ITGA8: variants seen among roughly 807,000 people sequenced by gnomAD.
ITGA8 encodes the protein integrin alpha-8.
Under a neutral mutation model 142.3 loss-of-function variants are expected in ITGA8, and 91 were observed. The observed-to-expected ratio is 0.64, with a 90% CI of 0.54 to 0.76. The LOEUF (loss-of-function observed/expected upper bound fraction) is 0.76. Ranked by LOEUF, ITGA8 falls within the 30% of genes least tolerant of loss-of-function variation. ITGA8 has a pLI of 0.00. For missense variants in ITGA8, 1,406 were observed against 1,327.7 expected (o/e 1.06, Z -0.92); for synonymous variants, 505 against 485.2 (o/e 1.04, Z -0.54).
intron 13 of ITGA8, among the ~76,000 whole-genome samples, chr10:15,620,842 T>A (rs1328625632): frequency 1.3e-5 from 2 of 152,252 alleles, no homozygotes; most frequent in Non-Finnish European, 2.9e-5. Context: ...CTGTTCTATT[T>A]ATATACACAT....
intron 13 of ITGA8, among the ~76,000 whole-genome samples, chr10:15,638,534 T>A (rs1833812441): frequency 6.6e-6 from 1 of 152,192 alleles, no homozygotes; most frequent in South Asian, 2.1e-4. Context: ...AAGCATTTTG[T>A]CACCTGAAAT....
chr10:15,671,489 A>G, intron 8 of ITGA8, 114 bp downstream of exon 8: 2 of 829,320 alleles, frequency 2.4e-6, no homozygotes, highest in Non-Finnish European at 4.1e-6. Context: ...CTGGGACTCC[A>G]TTAATATCCC....
At chr10:15,572,836 G>A (rs1274164373) in intron 24 of ITGA8, among the ~76,000 whole-genome samples, 3 of 152,148 alleles carry the variant, frequency 2.0e-5, no homozygotes, top group Non-Finnish European at 2.9e-5. Context: ...TCCATCAAGT[G>A]CCAAGGCGGG....
chr10:15,710,647 G>T (rs1478004270), intron 2 of ITGA8, among the ~76,000 whole-genome samples: 1 of 152,206 alleles, frequency 6.6e-6, no homozygotes, highest in Admixed American at 6.5e-5. Flanking sequence ...GCTGTACTGT[G>T]CTGTGTGGCA....
At chr10:15,629,006 C>T (rs1833637414) in intron 13 of ITGA8, among the ~76,000 whole-genome samples, 1 of 151,902 alleles carries the variant, frequency 6.6e-6, no homozygotes, top group African/African-American at 2.4e-5. Flanking sequence ...GCTGCAAGTG[C>T]GGCCCAGGCT....
At chr10:15,635,930 C>G (rs1319535069) in intron 13 of ITGA8, among the ~76,000 whole-genome samples, 2 of 151,534 alleles carry the variant, frequency 1.3e-5, no homozygotes, top group Non-Finnish European at 2.9e-5. Context: ...CACACACACA[C>G]ACACACACAC....
chr10:15,686,807 A>G (rs1027117867), intron 3 of ITGA8, among the ~76,000 whole-genome samples: 3 of 152,308 alleles, frequency 2.0e-5, no homozygotes, highest in African/African-American at 7.2e-5. Flanking sequence ...ATCATTTTTT[A>G]TTATGAACAC....
At chr10:15,620,146 C>T (rs191216576) in intron 13 of ITGA8, among the ~76,000 whole-genome samples, 2 of 152,262 alleles carry the variant, frequency 1.3e-5, no homozygotes, top group Admixed American at 1.3e-4. Context: ...AGATGCAGAA[C>T]AGAGACTTCA....
intron 19 of ITGA8, among the ~76,000 whole-genome samples, chr10:15,605,001 G>A (rs942352733): frequency 5.3e-5 from 8 of 152,118 alleles, no homozygotes; most frequent in African/African-American, 1.7e-4. Flanking sequence ...TAAAGCGATT[G>A]CATTTGAAGT....
intron 9 of ITGA8, 34 bp downstream of exon 9, chr10:15,660,845 T>G: frequency 6.4e-7 from 1 of 1,563,648 alleles, no homozygotes; most frequent in Non-Finnish European, 8.8e-7. Context: ...TACAAGAAAA[T>G]ACCCTATTCC....
intron 12 of ITGA8, among the ~76,000 whole-genome samples, chr10:15,645,092 CAAAAAAA>C (rs1168510743): frequency 2.1e-4 from 10 of 46,800 alleles, no homozygotes; most frequent in Admixed American, 9.3e-4. Context: ...GACTCTGTCT[CAAAAAAA>C]AAAAAAAAAA....
intron 22 of ITGA8, among the ~76,000 whole-genome samples, chr10:15,590,668 C>CA (rs1185955646): frequency 6.6e-6 from 1 of 152,002 alleles, no homozygotes; most frequent in Non-Finnish European, 1.5e-5. Context: ...TTAGAAATAT[C>CA]AACAGAAGAT....
chr10:15,613,935 G>C (rs758521783), intron 14 of ITGA8, among the ~76,000 whole-genome samples, 168 bp from the exon 15 acceptor site: 6 of 152,128 alleles, frequency 3.9e-5, no homozygotes, highest in Non-Finnish European at 8.8e-5. Flanking sequence ...ATGAACAGCT[G>C]GGTATCACAC....
In ITGA8 at chr10:15,660,914, C is replaced by T. The variant is rs1834273497; in HGVS notation, c.856G>A (p.Ala286Thr). The T allele has an allele frequency of 6.2e-7, 1 of 1,613,624 alleles. No homozygotes were observed. Among genetic ancestry groups the T allele is most frequent in the Non-Finnish European group, 8.5e-7 (1 of 1,179,680 alleles). ...TTCTGTGCTCCTCTTGGAATTCCAG[C>T]AACCAATTCTGGGGATGAAAATAGC... ...FTGDSQQELV[A>T]GIPRGAQNFG... The change falls in exon 9 of 30, where the codon GCT (alanine) becomes ACT (threonine). Residue 286 changes from alanine (A) to threonine (T), a missense_variant. Physicochemically the swap from Ala to Thr is moderately conservative, Grantham distance 58. Coordinates refer to ENST00000378076, the MANE Select transcript of ITGA8 (RefSeq NM_003638.3).
intron 4 of ITGA8, among the ~76,000 whole-genome samples, chr10:15,682,249 G>A (rs1387476693): frequency 6.6e-6 from 1 of 152,116 alleles, no homozygotes. Flanking sequence ...TTACTGTCTA[G>A]AGGCAGTTCC....
intron 4 of ITGA8, among the ~76,000 whole-genome samples, chr10:15,681,850 T>C (rs1834743813): frequency 6.6e-6 from 1 of 152,146 alleles, no homozygotes; most frequent in Non-Finnish European, 1.5e-5. Context: ...TATGGACAGG[T>C]GTAAATATTG....
At chr10:15,614,006 G>A (rs1373690047) in intron 14 of ITGA8, among the ~76,000 whole-genome samples, 1 of 152,278 alleles carries the variant, frequency 6.6e-6, no homozygotes, top group East Asian at 1.9e-4. Flanking sequence ...AGTGCTGTGG[G>A]TCTGTCAAGC....
intron 27 of ITGA8, among the ~76,000 whole-genome samples, chr10:15,533,166 T>C (rs936493561): frequency 1.3e-5 from 2 of 152,142 alleles, no homozygotes; most frequent in Non-Finnish European, 2.9e-5. Flanking sequence ...CTTTTTCCCC[T>C]GTGGCAGAAT....
rs1447837523 is a variant in ITGA8 at position 15,515,931 on chromosome 10, G to T, written c.*1227C>A. The stretch of plus-strand genomic sequence containing the variant: ...ATTAGCAGTAAAAATAAGTAATAAA[G>T]TTGGAATAAGCAATTTTAAATAAAA... On this transcript the variant is annotated 3_prime_UTR_variant, in exon 30 of 30. Transcript: ENST00000378076. 1.3e-5 allele frequency: 2 copies of T among 152,092 alleles called. No homozygotes were observed. Among genetic ancestry groups the T allele is most frequent in the Non-Finnish European group, 2.9e-5 (2 of 67,996 alleles). 9.4% of individuals were successfully genotyped at this position (152,092 alleles called of 1,614,324 possible).
Sources: gnomAD v4.1 joint callset for allele counts (sites outside exome capture counted in the v4.1 genomes callset) on GRCh38, gnomAD v4.1.1 for gene constraint, MANE v1.5 for transcripts, NCBI Gene and HGNC (gene_info 2026-07-23, HGNC 2026-07-21) for gene names.